FMO2: variants seen among roughly 807,000 people sequenced by gnomAD.
The protein encoded by FMO2 is flavin containing dimethylaniline monoxygenase 2, also known as flavin-containing monooxygenase 2.
In FMO2, 33 loss-of-function variants were observed where a neutral mutation model predicts 41.6. The observed-to-expected ratio is 0.79, with a 90% CI of 0.60 to 1.06. FMO2 has a LOEUF of 1.06. Ranked by LOEUF, FMO2 falls within the 50% of genes least tolerant of loss-of-function variation. The probability of loss-of-function intolerance (pLI) is 0.00; values close to 1 mark genes in which losing one functional copy is unlikely to be tolerated. For missense variants in FMO2, 619 were observed against 632.9 expected, an observed-to-expected ratio of 0.98 and a Z score of 0.23; for synonymous variants, 214 against 219.6, an observed-to-expected ratio of 0.97 and a Z score of 0.23.
intron 2 of FMO2, among the ~76,000 whole-genome samples, chr1:171,192,608 C>CA (rs1327973191): frequency 2.7e-5 from 4 of 150,848 alleles, no homozygotes; most frequent in Admixed American, 6.6e-5. Flanking sequence ...AAAATACACA[C>CA]AAAAAAAATT....
At chr1:171,187,056 T>G (rs1657883245) in intron 2 of FMO2, among the ~76,000 whole-genome samples, 1 of 152,168 alleles carries the variant, frequency 6.6e-6, no homozygotes, top group African/African-American at 2.4e-5. Flanking sequence ...AAACTGAAAG[T>G]GAGGGAGGTT....
chr1:171,200,443 C>T (rs548342906), intron 5 of FMO2, among the ~76,000 whole-genome samples: 1 of 152,340 alleles, frequency 6.6e-6, no homozygotes, highest in African/African-American at 2.4e-5. Flanking sequence ...TGCCCAATCA[C>T]TCTTACCCTA....
chr1:171,185,589 G>C, intron 1 of FMO2, 119 bp from the exon 2 acceptor site: 1 of 963,348 alleles, frequency 1.0e-6, no homozygotes, highest in Non-Finnish European at 1.6e-6. Context: ...TTATTCAATA[G>C]TGCTGCTTAT....
chr1:171,208,856 C>A lies in FMO2; in HGVS notation c.1319C>A (p.Ala440Asp). The A allele has an allele frequency of 6.2e-7, 1 of 1,613,962 alleles. No individual in the cohort carries two copies. Among genetic ancestry groups the A allele is most frequent in the Non-Finnish European group, 8.5e-7 (1 of 1,179,870 alleles). Residue 440 changes from alanine to aspartate, a missense_variant, in exon 9 of 9, where the codon GCC (alanine) becomes GAC (aspartate). Transcript: ENST00000209929. ...TATGTTGACTACTTGGACGAGCTCGCCTTAGAGATAGGTGCGAAGCCAGAT... is the reference window on the plus strand; with the variant it reads ...TATGTTGACTACTTGGACGAGCTCGACTTAGAGATAGGTGCGAAGCCAGAT... ...TNYVDYLDEL[A>D]LEIGAKPDFC...
chr1:171,212,246 G>A lies in FMO2; in HGVS notation c.*3101G>A, dbSNP rs1659011394. Among the ~76,000 whole-genome samples, 1 of 152,236 alleles carries A rather than the reference G, an allele frequency of 6.6e-6. No individual in the cohort carries two copies. The highest frequency in any genetic ancestry group is 3.4e-3 in the Middle Eastern group (1 of 294). On this transcript the variant is annotated 3_prime_UTR_variant, in exon 9 of 9. Transcript: ENST00000209929. ...TCTCAGGAGTGTGTTGGTTATAAAA[G>A]CAAGTTTGGCTCCCTCTTTTCCTCA...
intron 2 of FMO2, among the ~76,000 whole-genome samples, chr1:171,186,756 G>A (rs28369801): frequency 6.6e-6 from 1 of 152,164 alleles, no homozygotes; most frequent in African/African-American, 2.4e-5. Flanking sequence ...ATAAAACTTA[G>A]AAAGTTGCAT....
At position 171,209,196 on chromosome 1, in the gene FMO2, GAA is replaced by G. The variant is rs371841312; in HGVS notation, c.*61_*62del. 5 of 313,780 alleles carry G rather than the reference GAA, an allele frequency of 1.6e-5. No homozygotes were observed. The highest frequency in any genetic ancestry group is 1.3e-4 in the South Asian group (1 of 7,460). The allele number at this position is 313,780 out of a possible 1,614,324, so 19.4% of individuals were successfully genotyped here. A position where few individuals can be genotyped will look rare whatever the true frequency, so the allele number is the denominator to read the frequency against. On this transcript the variant is annotated 3_prime_UTR_variant, in exon 9 of 9. Coordinates refer to ENST00000209929, the MANE Select transcript of FMO2 (RefSeq NM_001460.5). ...ATCTTGTCAGTCACTACCTCCTAAA[GAA>G]AAAAAAAAAGGCTAGAAGAAAAAAC... is the stretch of plus-strand genomic sequence containing the variant.
At position 171,193,137 on chromosome 1, in the gene FMO2, G is replaced by A. The variant is rs574197047; in HGVS notation, c.133-198G>A. 2.1e-4 allele frequency among the ~76,000 whole-genome samples: 32 copies of A among 152,234 alleles called. No individual in the cohort carries two copies. In the South Asian group the frequency reaches 5.0e-3, roughly 24 times the overall value. On this transcript the variant is annotated intron_variant, in intron 2 of 8. Coordinates refer to ENST00000209929, the MANE Select transcript of FMO2 (RefSeq NM_001460.5). ...ATTACCCCTACCCCTCACAGTGAGCGTCACAGGCAGGCAACAAACTGGTGT... is the reference window on the plus strand; with the variant it reads ...ATTACCCCTACCCCTCACAGTGAGCATCACAGGCAGGCAACAAACTGGTGT...
At chr1:171,186,091 T>A in intron 2 of FMO2, 1 of 336,054 alleles carries the variant, frequency 3.0e-6, no homozygotes, top group East Asian at 5.1e-5. Context: ...AGCAATTGTC[T>A]TACAGCCCAT....
At chr1:171,187,085 C>T (rs917360217) in intron 2 of FMO2, among the ~76,000 whole-genome samples, 1 of 152,190 alleles carries the variant, frequency 6.6e-6, no homozygotes, top group Non-Finnish European at 1.5e-5. Flanking sequence ...TGGCCAGGGC[C>T]ACACAACTGG....
rs113942104 is a variant in FMO2, at chr1:171,195,598, A to G, written c.322-1051A>G. Among the ~76,000 whole-genome samples, 451 of 152,366 alleles carry G rather than the reference A, an allele frequency of 3.0e-3. 3 individuals are homozygous for G. The highest frequency in any genetic ancestry group is 0.01 in the African/African-American group (426 of 41,592). On this transcript the variant is annotated intron_variant, in intron 3 of 8. Coordinates refer to ENST00000209929, the MANE Select transcript of FMO2 (RefSeq NM_001460.5). ...ATACATTTTTAAATTGAGACAGCTTAAAAATTACCAACCCAGCAGTTGGAA... is the reference window on the plus strand; with the variant it reads ...ATACATTTTTAAATTGAGACAGCTTGAAAATTACCAACCCAGCAGTTGGAA...
intron 4 of FMO2, 60 bp from the exon 5 acceptor site, chr1:171,199,286 G>A: frequency 1.4e-6 from 2 of 1,458,674 alleles, no homozygotes; most frequent in African/African-American, 1.4e-5. Context: ...CAGTTTTATT[G>A]AAATTAGCTT....
At chr1:171,203,739 C>G in intron 5 of FMO2, 126 bp from the exon 6 acceptor site, 1 of 788,994 alleles carries the variant, frequency 1.3e-6, no homozygotes, top group South Asian at 1.7e-5. Flanking sequence ...ACATTGAGGT[C>G]AATCATCTTT....
chr1:171,198,389 T>C (rs2101996844), intron 4 of FMO2, among the ~76,000 whole-genome samples: 1 of 151,750 alleles, frequency 6.6e-6, no homozygotes, highest in African/African-American at 2.4e-5. Context: ...TTAAGAAATA[T>C]TTAAGAGTAT....
At chr1:171,206,077 CT>C (rs1368371804) in intron 7 of FMO2, among the ~76,000 whole-genome samples, 4 of 152,176 alleles carry the variant, frequency 2.6e-5, no homozygotes, top group African/African-American at 9.7e-5. Flanking sequence ...AGGTTTCTTT[CT>C]GGGTGTCTGT....
intron 6 of FMO2, 134 bp from the exon 7 acceptor site, chr1:171,205,145 A>C: frequency 1.7e-6 from 1 of 572,840 alleles, no homozygotes; most frequent in Non-Finnish European, 3.1e-6. Flanking sequence ...TTGCACAGAC[A>C]ACCAGTTAAG....
At chr1:171,199,532 G>A in intron 5 of FMO2, 44 bp downstream of exon 5, 1 of 1,549,526 alleles carries the variant, frequency 6.5e-7, no homozygotes, top group Non-Finnish European at 8.7e-7. Context: ...GGGAGGAAGT[G>A]GGGATGCCAT....
chr1:171,203,766 A>G, intron 5 of FMO2, 99 bp from the exon 6 acceptor site: 1 of 1,026,846 alleles, frequency 9.7e-7, no homozygotes, highest in Non-Finnish European at 1.5e-6. Flanking sequence ...GAACCTCTGT[A>G]AATTCTGGGG....
Position 171,185,893 on chromosome 1 carries a change from G to A in FMO2, c.132+48G>A, listed in dbSNP as rs2234724. 0.021 allele frequency: 32,914 copies of A among 1,588,658 alleles called. 400 individuals carry two copies. Among genetic ancestry groups the A allele is most frequent in the Middle Eastern group, 0.024 (139 of 5,886 alleles). The stretch of plus-strand genomic sequence containing the variant: ...TTGAACAGGTTGTGTTGTTATTTCA[G>A]GGTGAATCACAGTTACTGATGGGTC... On this transcript the variant is annotated intron_variant, in intron 2 of 8. Coordinates refer to ENST00000209929, the MANE Select transcript of FMO2 (RefSeq NM_001460.5).
Sources: gnomAD v4.1 joint callset for allele counts (sites outside exome capture counted in the v4.1 genomes callset) on GRCh38, gnomAD v4.1.1 for gene constraint, MANE v1.5 for transcripts, NCBI Gene and HGNC (gene_info 2026-07-23, HGNC 2026-07-21) for gene names.